Variants in TMEM132B observed in about 807,000 individuals in gnomAD.
TMEM132B encodes transmembrane protein 132B.
TMEM132B carries 18 observed loss-of-function variants against 90.8 expected under a neutral mutation model. The ratio of observed to expected loss-of-function variants is 0.20; its 90% CI spans 0.14 to 0.29. The LOEUF is 0.29. Ranked by LOEUF, TMEM132B falls within the 10% of genes least tolerant of loss-of-function variation. The probability of loss-of-function intolerance (pLI) is 1.00; values close to 1 mark genes in which losing one functional copy is unlikely to be tolerated. For synonymous variants in TMEM132B, 504 were observed against 523.3 expected (o/e 0.96, Z 0.50); for missense variants, 1,096 against 1,326.8 (o/e 0.83, Z 2.70).
rs1324477332 is a variant in TMEM132B, at chr12:125,406,781, A to G, written c.960-8750A>G. On this transcript the variant is annotated intron_variant, in intron 2 of 8. Transcript: ENST00000682704. The surrounding 1 kb of genome is among the most constrained non-coding windows in gnomAD (Gnocchi z 8.3). ...CATCTGCAAGTCTGGAGGGTCCCCA[A>G]GACCACCCTCAGGTTCAGTAATTTT... Among the ~76,000 whole-genome samples, 2 of 152,190 alleles carry G rather than the reference A, an allele frequency of 1.3e-5. No individual in the cohort carries two copies. The highest frequency in any genetic ancestry group is 2.1e-4 in the South Asian group (1 of 4,830).
intron 4 of TMEM132B, among the ~76,000 whole-genome samples, chr12:125,539,433 G>A (rs1333144592): frequency 1.3e-5 from 2 of 152,154 alleles, no homozygotes; most frequent in East Asian, 3.8e-4. Flanking sequence ...TGAGGTAATG[G>A]TGCTGTCTCT....
chr12:125,417,878 G>C (rs1017482920), intron 3 of TMEM132B, among the ~76,000 whole-genome samples: 2 of 152,196 alleles, frequency 1.3e-5, no homozygotes, highest in African/African-American at 4.8e-5. Flanking sequence ...CACCCACCCT[G>C]AACCAATCAC....
chr12:125,435,469 G>C (rs1328039603), intron 3 of TMEM132B, among the ~76,000 whole-genome samples: 3 of 152,144 alleles, frequency 2.0e-5, no homozygotes, highest in African/African-American at 7.2e-5. Context: ...CTCCCTGGTC[G>C]CCAAGCAAGG....
chr12:125,367,230 C>T (rs1371045815), intron 2 of TMEM132B, among the ~76,000 whole-genome samples: 2 of 152,092 alleles, frequency 1.3e-5, no homozygotes, highest in Non-Finnish European at 2.9e-5. Context: ...ATATTTTGGA[C>T]AATTTTTTAT....
chr12:125,582,949 A>G (rs974608752), intron 4 of TMEM132B, among the ~76,000 whole-genome samples: 1 of 152,172 alleles, frequency 6.6e-6, no homozygotes, highest in Admixed American at 6.5e-5. Flanking sequence ...GTAAAAGGTG[A>G]GAAGGTCAGA....
intron 5 of TMEM132B, among the ~76,000 whole-genome samples, chr12:125,598,010 G>C (rs1306878586): frequency 6.6e-6 from 1 of 152,180 alleles, no homozygotes; most frequent in Non-Finnish European, 1.5e-5. Flanking sequence ...GGGAGCGTTT[G>C]TGGTGTGTAG....
At chr12:125,271,094 G>A (rs1344601884) in intron 1 of TMEM132B, among the ~76,000 whole-genome samples, 1 of 151,924 alleles carries the variant, frequency 6.6e-6, no homozygotes, top group East Asian at 1.9e-4. Context: ...GGGACTATAG[G>A]TGTGCACCAC....
intron 1 of TMEM132B, among the ~76,000 whole-genome samples, chr12:125,318,899 A>G (rs1300119474): frequency 6.6e-6 from 1 of 152,232 alleles, no homozygotes; most frequent in Non-Finnish European, 1.5e-5. Flanking sequence ...TGTTGTTTGA[A>G]TAACAGTTTG....
chr12:125,314,714 T>A (rs1163731124), intron 1 of TMEM132B, among the ~76,000 whole-genome samples: 1 of 152,228 alleles, frequency 6.6e-6, no homozygotes, highest in Non-Finnish European at 1.5e-5. Context: ...CTGTCATTTT[T>A]CAGCTAAGTC....
intron 1 of TMEM132B, among the ~76,000 whole-genome samples, chr12:125,254,448 G>A (rs1430762300): frequency 6.6e-6 from 1 of 152,142 alleles, no homozygotes; most frequent in African/African-American, 2.4e-5. Context: ...TCAGGAAGCA[G>A]CAGCAGATGT....
At chr12:125,580,823 A>G (rs970012020) in intron 4 of TMEM132B, among the ~76,000 whole-genome samples, 2 of 152,222 alleles carry the variant, frequency 1.3e-5, no homozygotes, top group African/African-American at 2.4e-5. Context: ...GACTATAAAT[A>G]TGCTTCAAGG....
intron 5 of TMEM132B, among the ~76,000 whole-genome samples, chr12:125,634,049 G>C (rs968733234): frequency 6.6e-6 from 1 of 152,228 alleles, no homozygotes; most frequent in African/African-American, 2.4e-5. Flanking sequence ...TAGGTCCAGA[G>C]GTGCTGTCTG....
chr12:125,551,813 C>A (rs1350039775), intron 4 of TMEM132B, among the ~76,000 whole-genome samples: 1 of 152,076 alleles, frequency 6.6e-6, no homozygotes, highest in Non-Finnish European at 1.5e-5. Context: ...AACTTCTGTG[C>A]CATGGGTCTG....
chr12:125,377,794 C>CTGGCTGCTTGCTA (rs1222718539), intron 2 of TMEM132B, among the ~76,000 whole-genome samples: 52 of 152,302 alleles, frequency 3.4e-4, no homozygotes, highest in Admixed American at 1.4e-3. Flanking sequence ...GCCTGCAACT[C>CTGGCTGCTTGCTA]TGGCTGCTTG....
At chr12:125,291,328 T>C (rs1875532721) in intron 1 of TMEM132B, among the ~76,000 whole-genome samples, 1 of 152,238 alleles carries the variant, frequency 6.6e-6, no homozygotes, top group African/African-American at 2.4e-5. Flanking sequence ...GAGTGTGTGG[T>C]ACTTTGTTAT....
chr12:125,217,704 T>C (rs913050419), intron 1 of TMEM132B, among the ~76,000 whole-genome samples: 2 of 152,212 alleles, frequency 1.3e-5, no homozygotes, highest in Non-Finnish European at 2.9e-5. Flanking sequence ...TCTTCCCTCC[T>C]TGGCCTCCCA....
In TMEM132B at chr12:125,445,313, C is replaced by T. The variant is rs1566038527; in HGVS notation, c.1106+29636C>T. Among the ~76,000 whole-genome samples the T allele has an allele frequency of 3.9e-5, 6 of 152,180 alleles. No homozygotes were observed. Among genetic ancestry groups the T allele is most frequent in the Admixed American group, 3.3e-4 (5 of 15,278 alleles). On this transcript the variant is annotated intron_variant, in intron 3 of 8. Transcript: ENST00000682704. The surrounding 1 kb of genome is among the most constrained non-coding windows in gnomAD (Gnocchi z 4.3). ...ATCACTAGAGACCTTAGGCATAGAACCCCTTGCTGCCCCAGTCTCTTCATT... is the reference window on the plus strand; with the variant it reads ...ATCACTAGAGACCTTAGGCATAGAATCCCTTGCTGCCCCAGTCTCTTCATT...
chr12:125,617,206 A>G (rs1886008497), intron 5 of TMEM132B, among the ~76,000 whole-genome samples: 1 of 152,078 alleles, frequency 6.6e-6, no homozygotes, highest in Admixed American at 6.6e-5. Flanking sequence ...TCGTTTAGCA[A>G]CCTGACTGAT....
At chr12:125,334,643 G>A (rs1261909580) in intron 1 of TMEM132B, among the ~76,000 whole-genome samples, 1 of 152,186 alleles carries the variant, frequency 6.6e-6, no homozygotes, top group East Asian at 1.9e-4. Context: ...GATGCAGCAC[G>A]CTTACCTATA....
Sources: allele counts gnomAD v4.1 joint callset (sites outside exome capture counted in the v4.1 genomes callset), GRCh38; gene constraint gnomAD v4.1.1; non-coding constraint Gnocchi (gnomAD v3.1); transcripts MANE v1.5; gene names NCBI Gene and HGNC (gene_info 2026-07-23, HGNC 2026-07-21).